Variants in ASMTL observed in about 807,000 individuals in gnomAD.
ASMTL encodes the protein acetylserotonin O-methyltransferase like, also known as probable bifunctional dTTP/UTP pyrophosphatase/methyltransferase protein.
In ASMTL, 57 loss-of-function variants were observed where a neutral mutation model predicts 60.3. That is an observed-to-expected ratio of 0.95 (90% CI 0.76 to 1.18). The LOEUF (loss-of-function observed/expected upper bound fraction) is 1.18, where lower values mean the gene tolerates loss of function less well. Among genes scored for constraint, ASMTL ranks in the 50% most tolerant of loss-of-function variants. The pLI, the probability that ASMTL is intolerant of heterozygous loss-of-function variation, is 0.00. For synonymous variants in ASMTL, 419 were observed against 373.0 expected (o/e 1.12, Z -1.42); for missense variants, 981 against 852.6 (o/e 1.15, Z -1.88).
intron 5 of ASMTL, among the ~76,000 whole-genome samples, chrX:1,433,845 C>T (rs1162282670): frequency 2.6e-5 from 4 of 152,142 alleles, no homozygotes; most frequent in Non-Finnish European, 4.4e-5. Context: ...CACTTCCTGA[C>T]CTGCTCCTTC....
intron 6 of ASMTL, among the ~76,000 whole-genome samples, chrX:1,428,625 C>T (rs1194718301): frequency 8.1e-5 from 4 of 49,536 alleles, no homozygotes; most frequent in Admixed American, 5.2e-4. Context: ...CCAGCCTGGG[C>T]GGCAGAGGAA....
At chrX:1,419,389 C>T (rs1315442113) in intron 9 of ASMTL, among the ~76,000 whole-genome samples, 12 of 152,304 alleles carry the variant, frequency 7.9e-5, no homozygotes, top group African/African-American at 2.6e-4. Context: ...GTCTGACTTT[C>T]GCAGTAGGCT....
In ASMTL at chrX:1,432,164, A is replaced by G. The variant is rs1266408593; in HGVS notation, c.509+105T>C. 4.4e-6 allele frequency: 4 copies of G among 908,230 alleles called. No homozygotes were observed. In the African/African-American group the frequency reaches 6.6e-5, roughly 15 times the overall value. The allele number at this position is 908,230 out of a possible 1,614,324, so 56.3% of individuals were successfully genotyped here. On this transcript the variant is annotated intron_variant, in intron 6 of 12. Coordinates refer to ENST00000381317, the MANE Select transcript of ASMTL (RefSeq NM_004192.4). Reference sequence around the variant, plus strand: ...TCTCCCTGTGCCACACGGCCCCCGGAGCGGGGCCTCCTTCTTTCCCAAAGG... The same window carrying G: ...TCTCCCTGTGCCACACGGCCCCCGGGGCGGGGCCTCCTTCTTTCCCAAAGG...
intron 12 of ASMTL, among the ~76,000 whole-genome samples, chrX:1,412,315 G>T (rs5948841): frequency 2.6e-5 from 4 of 151,676 alleles, no homozygotes; most frequent in Non-Finnish European, 4.4e-5. Context: ...GCAGTCTCCA[G>T]CTCCCGGGTT....
At chrX:1,422,593 T>C (rs1238869971) in intron 8 of ASMTL, among the ~76,000 whole-genome samples, 1 of 151,962 alleles carries the variant, frequency 6.6e-6, no homozygotes, top group Non-Finnish European at 1.5e-5. Flanking sequence ...TCCCACAGAA[T>C]GGGAGGCTGG....
In ASMTL at chrX:1,427,905, C is replaced by G. The variant is rs1472814263; in HGVS notation, c.726G>C (p.Glu242Asp). The G allele has an allele frequency of 5.6e-6, 9 of 1,613,342 alleles. No homozygotes were observed. In the Middle Eastern group the frequency reaches 5.0e-4, roughly 89 times the overall value. The change falls in exon 7 of 13, where the codon GAG becomes GAC. Residue 242 changes from glutamate to aspartate, a missense_variant. Coordinates refer to ENST00000381317, the MANE Select transcript of ASMTL (RefSeq NM_004192.4). ...ADTFEDLSDV[E>D]GGGSEPTQRD... ...TCTGAGTGGGCTCCGAGCCGCCCCC[C>G]TCCACGTCACTGAGGTCTTCGAAGG...
rs1234276206 is a variant in ASMTL at position 1,405,008 on chromosome X, GGATA to G, written c.1646-1523_1646-1520del. 1.5e-4 allele frequency among the ~76,000 whole-genome samples: 23 copies of G among 150,750 alleles called. 1 individual carries two copies. The highest frequency in any genetic ancestry group is 5.1e-4 in the African/African-American group (21 of 41,118). On this transcript the variant is annotated intron_variant, in intron 12 of 12. Coordinates refer to ENST00000381317, the MANE Select transcript of ASMTL (RefSeq NM_004192.4). The stretch of plus-strand genomic sequence containing the variant: ...ATGATGGGTAGGTAGATGAGTGGAT[GGATA>G]GATGGATGAATGGATGAATAGATGG...
At chrX:1,421,946 T>A in intron 8 of ASMTL, 104 bp from the exon 9 acceptor site, 1 of 1,099,160 alleles carries the variant, frequency 9.1e-7, no homozygotes, top group South Asian at 1.4e-5. Flanking sequence ...ATCACCCATC[T>A]GACTATAGCA....
At chrX:1,438,891 T>C (rs752236554) in intron 3 of ASMTL, among the ~76,000 whole-genome samples, 3 of 152,270 alleles carry the variant, frequency 2.0e-5, no homozygotes, top group African/African-American at 7.2e-5. Context: ...CCTCCCAAAA[T>C]GCTGGGATGA....
At chrX:1,445,937 T>G (rs1260922730) in intron 1 of ASMTL, among the ~76,000 whole-genome samples, 1 of 150,950 alleles carries the variant, frequency 6.6e-6, no homozygotes, top group African/African-American at 2.4e-5. Flanking sequence ...CCTGGGGGGG[T>G]TTAGAGAAGA....
intron 9 of ASMTL, 43 bp from the exon 10 acceptor site, chrX:1,419,157 C>T (rs761738382): frequency 6.2e-5 from 100 of 1,600,608 alleles, no homozygotes; most frequent in Non-Finnish European, 7.7e-5. Flanking sequence ...GAACACGGGG[C>T]GAGGGCTCGC....
intron 5 of ASMTL, among the ~76,000 whole-genome samples, chrX:1,432,990 C>G (rs867807970): frequency 1.4e-5 from 2 of 142,120 alleles, no homozygotes; most frequent in East Asian, 2.0e-4. Context: ...CCCAGCTACT[C>G]GGGAGGCTGA....
rs372525723 is a variant in ASMTL at position 1,427,782 on chromosome X, C to T, written c.849G>A (p.Pro283=). 6.1e-5 allele frequency: 99 copies of T among 1,612,826 alleles called. 2 individuals are homozygous for T. Among genetic ancestry groups the T allele is most frequent in the African/African-American group, 1.3e-4 (10 of 74,914 alleles). ...TCAGCTCCAGGAGGCGTGTCGGGAACGGAGGCAGGGTCTCCCGAGTCCTGT... is the reference window on the plus strand; with the variant it reads ...TCAGCTCCAGGAGGCGTGTCGGGAATGGAGGCAGGGTCTCCCGAGTCCTGT... ...ECHRTRETLP[P]FPTRLLELIE... Residue 283 remains proline (P), a synonymous_variant, in exon 7 of 13, where the codon CCG becomes CCA. Transcript: ENST00000381317.
intron 6 of ASMTL, among the ~76,000 whole-genome samples, chrX:1,431,120 T>A (rs1488779666): frequency 8.0e-6 from 1 of 124,956 alleles, no homozygotes; most frequent in East Asian, 2.3e-4. Context: ...TTTTATAATA[T>A]ATAATCATTT....
intron 12 of ASMTL, among the ~76,000 whole-genome samples, chrX:1,411,624 G>GCTGACACTTCAGCAGCACGGCTGTAAA (rs757145240): frequency 6.6e-6 from 1 of 150,944 alleles, no homozygotes; most frequent in South Asian, 2.1e-4. Flanking sequence ...ATTAGATCCA[G>GCTGACACTTCAGCAGCACGGCTGTAAA]CTGCAGAGTC....
intron 12 of ASMTL, among the ~76,000 whole-genome samples, chrX:1,408,108 G>A (rs1320841210): frequency 1.3e-5 from 2 of 150,760 alleles, no homozygotes; most frequent in Non-Finnish European, 3.0e-5. Context: ...GGCTGAGGCA[G>A]GAGGATCGCT....
chrX:1,429,782 G>A (rs1326922144), intron 6 of ASMTL, among the ~76,000 whole-genome samples: 1 of 151,454 alleles, frequency 6.6e-6, no homozygotes, highest in African/African-American at 2.4e-5. Flanking sequence ...GGGTGACGGA[G>A]GAAGACTCCG....
chrX:1,411,627 G>GACACTTCAGCAACACGGCTGTAAACTA (rs1247529955), intron 12 of ASMTL, among the ~76,000 whole-genome samples: 16 of 152,016 alleles, frequency 1.1e-4, no homozygotes, highest in African/African-American at 3.9e-4. Flanking sequence ...AGATCCAGCT[G>GACACTTCAGCAACACGGCTGTAAACTA]CAGAGTCCAC....
Position 1,405,678 on chromosome X carries a change from G to A in ASMTL, c.1646-2189C>T, listed in dbSNP as rs374977200. Among the ~76,000 whole-genome samples the A allele has an allele frequency of 2.2e-3, 330 of 150,774 alleles. 5 individuals carry two copies. The East Asian group carries it at 0.052, about 24-fold the overall frequency. On this transcript the variant is annotated intron_variant, in intron 12 of 12. Coordinates refer to ENST00000381317, the MANE Select transcript of ASMTL (RefSeq NM_004192.4). ...AGATGGATGGATGGGTGAATAGATG[G>A]TACATGATGGGCAGGTAGATAGATG... is the stretch of plus-strand genomic sequence containing the variant.
Sources: gnomAD v4.1 joint callset for allele counts (sites outside exome capture counted in the v4.1 genomes callset) on GRCh38, gnomAD v4.1.1 for gene constraint, MANE v1.5 for transcripts, NCBI Gene and HGNC (gene_info 2026-07-23, HGNC 2026-07-21) for gene names.